The following GLIS3 variants were observed in gnomAD, a reference collection of about 807,000 sequenced individuals.
The protein encoded by GLIS3 is GLIS family zinc finger 3.
Under a neutral mutation model 78.6 loss-of-function variants are expected in GLIS3, and 53 were observed. That is an observed-to-expected ratio of 0.67 (90% CI 0.54 to 0.85). GLIS3 has a LOEUF of 0.85. GLIS3 is among the 40% of genes least tolerant of loss of function. GLIS3 has a pLI of 0.00. For synonymous variants in GLIS3, 684 were observed against 509.9 expected (o/e 1.34, Z -4.60); for missense variants, 1,703 against 1,231.1 (o/e 1.38, Z -5.74).
At chr9:4,404,989 A>T in the GLIS3 span, among the ~76,000 whole-genome samples, 1 of 152,200 alleles carries the variant, frequency 6.6e-6, no homozygotes, top group South Asian at 2.1e-4. Context: ...GTAACTAGGA[A>T]AAAAAGAGGG....
chr9:4,042,302 G>A (rs1487169523), intron 4 of GLIS3, among the ~76,000 whole-genome samples: 1 of 152,146 alleles, frequency 6.6e-6, no homozygotes, highest in African/African-American at 2.4e-5. Context: ...AAGCCCAAGG[G>A]TCAGCAGAAT....
At chr9:4,298,439 T>C (rs979781448) in intron 1 of GLIS3, 21 of 451,722 alleles carry the variant, frequency 4.6e-5, no homozygotes, top group Non-Finnish European at 8.5e-5. Flanking sequence ...TTCCAGACAC[T>C]TGAGTGACTT....
At chr9:4,185,953 G>T (rs756316354) in intron 2 of GLIS3, among the ~76,000 whole-genome samples, 1 of 152,040 alleles carries the variant, frequency 6.6e-6, no homozygotes, top group African/African-American at 2.4e-5. Context: ...CATATCTGGC[G>T]CAGTGTGTCA....
intron 4 of GLIS3, among the ~76,000 whole-genome samples, chr9:4,110,599 T>A (rs2130842457): frequency 6.6e-6 from 1 of 152,236 alleles, no homozygotes; most frequent in East Asian, 1.9e-4. Flanking sequence ...TGACACCTAT[T>A]AGACAGATTG....
intron 4 of GLIS3, among the ~76,000 whole-genome samples, chr9:4,042,731 G>T (rs973429024): frequency 6.6e-6 from 1 of 152,092 alleles, no homozygotes; most frequent in Non-Finnish European, 1.5e-5. Context: ...AAAAACTGTA[G>T]GGAAATATAA....
At chr9:3,936,283 G>A (rs1825894738) in intron 5 of GLIS3, among the ~76,000 whole-genome samples, 1 of 152,156 alleles carries the variant, frequency 6.6e-6, no homozygotes, top group African/African-American at 2.4e-5. Context: ...CCTGGGAAAT[G>A]CAAAGGAGGG....
intron 9 of GLIS3, among the ~76,000 whole-genome samples, chr9:3,841,500 A>C (rs1818711911): frequency 6.6e-6 from 1 of 152,176 alleles, no homozygotes; most frequent in African/African-American, 2.4e-5. Context: ...CAACGTGGGA[A>C]GGAGAAGCAG....
chr9:4,484,811 C>T, the GLIS3 span, among the ~76,000 whole-genome samples: 4 of 152,016 alleles, frequency 2.6e-5, no homozygotes, highest in African/African-American at 9.7e-5. Context: ...CATTGGAGGT[C>T]AGGAATCGTC....
intron 4 of GLIS3, among the ~76,000 whole-genome samples, chr9:4,037,049 G>C (rs563423297): frequency 7.9e-5 from 12 of 152,064 alleles, no homozygotes; most frequent in Non-Finnish European, 1.2e-4. Context: ...ACTAGGGAAG[G>C]AGATTTGAAA....
intron 2 of GLIS3, among the ~76,000 whole-genome samples, chr9:4,129,175 A>G (rs1046871222): frequency 6.6e-5 from 10 of 152,220 alleles, no homozygotes; most frequent in Admixed American, 1.3e-4. Flanking sequence ...ATGAACACCT[A>G]TACCTCCAGA....
At chr9:4,395,020 A>G in the GLIS3 span, among the ~76,000 whole-genome samples, 1 of 152,316 alleles carries the variant, frequency 6.6e-6, no homozygotes, top group Admixed American at 6.5e-5. Flanking sequence ...AAAAATTCGG[A>G]ACCACGAATC....
intron 4 of GLIS3, among the ~76,000 whole-genome samples, chr9:3,995,439 C>T (rs979126592): frequency 6.6e-5 from 10 of 151,660 alleles, no homozygotes; most frequent in African/African-American, 1.2e-4. Flanking sequence ...AAACTACTAC[C>T]GTGAATAATA....
chr9:4,447,918 C>A, the GLIS3 span, among the ~76,000 whole-genome samples: 1 of 152,118 alleles, frequency 6.6e-6, no homozygotes, highest in Non-Finnish European at 1.5e-5. Context: ...AAATTTATTT[C>A]TATTTTTATT....
At chr9:4,404,809 T>G in the GLIS3 span, among the ~76,000 whole-genome samples, 1 of 151,796 alleles carries the variant, frequency 6.6e-6, no homozygotes, top group African/African-American at 2.4e-5. Flanking sequence ...CTTAAAGAAC[T>G]AGACAAGCAG....
chr9:4,396,888 G>C, the GLIS3 span, among the ~76,000 whole-genome samples: 1 of 152,088 alleles, frequency 6.6e-6, no homozygotes. Context: ...CTGATTTCAT[G>C]AGAGTTTTGC....
intron 4 of GLIS3, among the ~76,000 whole-genome samples, chr9:4,022,573 G>C (rs1822979362): frequency 6.6e-6 from 1 of 152,226 alleles, no homozygotes; most frequent in East Asian, 1.9e-4. Flanking sequence ...CTCATTCCTA[G>C]TAATTTGCCC....
At chr9:4,447,964 C>G in the GLIS3 span, among the ~76,000 whole-genome samples, 1 of 152,108 alleles carries the variant, frequency 6.6e-6, no homozygotes, top group South Asian at 2.1e-4. Flanking sequence ...GTTGCCCAGA[C>G]TGGTCTCAAA....
chr9:4,134,521 G>C (rs182693181), intron 2 of GLIS3, among the ~76,000 whole-genome samples: 1 of 152,244 alleles, frequency 6.6e-6, no homozygotes, highest in East Asian at 1.9e-4. Flanking sequence ...ATCTCTAAAA[G>C]ACAAATAATA....
the GLIS3 span, among the ~76,000 whole-genome samples, chr9:4,459,557 A>G: frequency 6.6e-6 from 1 of 152,250 alleles, no homozygotes; most frequent in African/African-American, 2.4e-5. Flanking sequence ...TAAGCCCAGG[A>G]GCTCGTGACC....
Sources: allele counts gnomAD v4.1 joint callset (sites outside exome capture counted in the v4.1 genomes callset), GRCh38; gene constraint gnomAD v4.1.1; transcripts MANE v1.5; gene names NCBI Gene and HGNC (gene_info 2026-07-23, HGNC 2026-07-21).